Variants in ABTB2 observed in about 807,000 individuals in gnomAD.
ABTB2 encodes ankyrin repeat and BTB domain containing 2.
In ABTB2, 56 loss-of-function variants were observed where a neutral mutation model predicts 104.1. The observed-to-expected ratio is 0.54, with a 90% CI of 0.43 to 0.67. The LOEUF (loss-of-function observed/expected upper bound fraction) is 0.67. ABTB2 is among the 30% of genes least tolerant of loss of function. The pLI is 0.00. For synonymous variants in ABTB2, 606 were observed against 608.2 expected (o/e 1.00, Z 0.05); for missense variants, 1,279 against 1,407.7 (o/e 0.91, Z 1.46).
intron 1 of ABTB2, among the ~76,000 whole-genome samples, chr11:34,306,236 A>ATTTTTTTTT (rs34872949): frequency 1.3e-4 from 9 of 71,970 alleles, no homozygotes; most frequent in South Asian, 6.5e-4. Flanking sequence ...GGAAAGTTTG[A>ATTTTTTTTT]TTTTTTTTTT....
At chr11:34,202,400 G>T (rs928609309) in intron 2 of ABTB2, among the ~76,000 whole-genome samples, 6 of 152,174 alleles carry the variant, frequency 3.9e-5, no homozygotes, top group African/African-American at 1.4e-4. Flanking sequence ...CAGAGAAGAG[G>T]ATGAAGTGAT....
intron 1 of ABTB2, among the ~76,000 whole-genome samples, chr11:34,242,193 T>C (rs1216396939): frequency 1.3e-5 from 2 of 152,198 alleles, no homozygotes; most frequent in African/African-American, 4.8e-5. Flanking sequence ...TGATGAGGCC[T>C]TCTGCCGCAG....
At chr11:34,156,367 G>C (rs1383995368) in intron 14 of ABTB2, among the ~76,000 whole-genome samples, 2 of 152,142 alleles carry the variant, frequency 1.3e-5, no homozygotes, top group African/African-American at 4.8e-5. Context: ...GCAGCCTGTG[G>C]GGCTAGAGGC....
At chr11:34,179,793 G>A (rs1226685628) in intron 3 of ABTB2, among the ~76,000 whole-genome samples, 1 of 152,184 alleles carries the variant, frequency 6.6e-6, no homozygotes, top group African/African-American at 2.4e-5. Context: ...TGGTGACCAA[G>A]AGCACGGACT....
At chr11:34,269,561 G>C (rs988374907) in intron 1 of ABTB2, among the ~76,000 whole-genome samples, 3 of 152,142 alleles carry the variant, frequency 2.0e-5, no homozygotes, top group Non-Finnish European at 4.4e-5. Flanking sequence ...TCCCCACCTC[G>C]TCTGTTGTAG....
At chr11:34,221,262 C>T (rs575579781) in intron 1 of ABTB2, among the ~76,000 whole-genome samples, 4 of 152,194 alleles carry the variant, frequency 2.6e-5, no homozygotes, top group Admixed American at 6.5e-5. Flanking sequence ...TGAGCCACCA[C>T]GCCTGGCCCA....
At chr11:34,166,878 C>T (rs1375298429) in intron 7 of ABTB2, among the ~76,000 whole-genome samples, 1 of 152,120 alleles carries the variant, frequency 6.6e-6, no homozygotes, top group Admixed American at 6.5e-5. Context: ...TAGAGTTGGC[C>T]CTGTAGTAGA....
chr11:34,346,462 G>A (rs1167823301), intron 1 of ABTB2, among the ~76,000 whole-genome samples: 1 of 152,138 alleles, frequency 6.6e-6, no homozygotes, highest in East Asian at 1.9e-4. Context: ...TCTTTCTGGG[G>A]AAAGGGGCAC....
At chr11:34,339,513 C>T (rs915143282) in intron 1 of ABTB2, among the ~76,000 whole-genome samples, 3 of 152,292 alleles carry the variant, frequency 2.0e-5, no homozygotes, top group South Asian at 2.1e-4. Flanking sequence ...TCACAAAAGA[C>T]GATGGTGTGG....
At chr11:34,309,504 G>A (rs1001201921) in intron 1 of ABTB2, among the ~76,000 whole-genome samples, 4 of 152,198 alleles carry the variant, frequency 2.6e-5, no homozygotes, top group Non-Finnish European at 5.9e-5. Context: ...GGGAGCAGAG[G>A]AGAAACGAAA....
intron 1 of ABTB2, among the ~76,000 whole-genome samples, chr11:34,347,187 G>C (rs565999417): frequency 1.1e-3 from 165 of 152,312 alleles, no homozygotes; most frequent in African/African-American, 3.8e-3. Context: ...TGTAATCCCA[G>C]CACTTTGGGA....
At chr11:34,297,781 A>AAT (rs765375324) in intron 1 of ABTB2, among the ~76,000 whole-genome samples, 3,375 of 73,182 alleles carry the variant, frequency 0.046, 182 homozygotes, top group Non-Finnish European at 0.05. Context: ...AAAAAAAAAA[A>AAT]AAATAAAAAT....
chr11:34,227,245 G>A (rs1853699204), intron 1 of ABTB2, among the ~76,000 whole-genome samples: 1 of 149,246 alleles, frequency 6.7e-6, no homozygotes, highest in Non-Finnish European at 1.5e-5. Flanking sequence ...CTGCACTCCA[G>A]TGTGGGTGAC....
intron 1 of ABTB2, among the ~76,000 whole-genome samples, chr11:34,347,664 A>C (rs185544520): frequency 6.6e-6 from 1 of 152,208 alleles, no homozygotes. Flanking sequence ...AGCAGAATTC[A>C]GCTGCACCTT....
At position 34,298,858 on chromosome 11, in the gene ABTB2, A is replaced by G. The variant is rs1854661289; in HGVS notation, c.883+57843T>C. Among the ~76,000 whole-genome samples the G allele has an allele frequency of 2.6e-5, 4 of 152,230 alleles. No individual in the cohort carries two copies. In the South Asian group the frequency reaches 8.3e-4, roughly 32 times the overall value. ...AAAGCAAAAGAGTTCAGTGTTTCCT[A>G]TGAACAACTGGGCCTGCATAGATGT... On this transcript the variant is annotated intron_variant, in intron 1 of 16. Coordinates refer to ENST00000435224, the MANE Select transcript of ABTB2 (RefSeq NM_145804.3).
intron 3 of ABTB2, among the ~76,000 whole-genome samples, chr11:34,179,052 G>A (rs1852991299): frequency 7.4e-6 from 1 of 135,972 alleles, no homozygotes; most frequent in South Asian, 2.3e-4. Flanking sequence ...CTGCACTCCA[G>A]CCTGGGTGAC....
At chr11:34,185,130 A>G (rs1045033580) in intron 3 of ABTB2, among the ~76,000 whole-genome samples, 12 of 152,142 alleles carry the variant, frequency 7.9e-5, no homozygotes, top group African/African-American at 2.2e-4. Flanking sequence ...ACCTTCCCCA[A>G]CTCTCATAGT....
At position 34,183,223 on chromosome 11, in the gene ABTB2, C is replaced by G. The variant is rs144444875; in HGVS notation, c.1245-9916G>C. On this transcript the variant is annotated intron_variant, in intron 3 of 16. Coordinates refer to ENST00000435224, the MANE Select transcript of ABTB2 (RefSeq NM_145804.3). ...TCATGTGATTCTCCTGCCTCATCCT[C>G]CCAAGTAGCTGGGACTACAGGTGTG... 5.7e-3 allele frequency among the ~76,000 whole-genome samples: 875 copies of G among 152,268 alleles called. 3 individuals are homozygous for G. The highest frequency in any genetic ancestry group is 0.01 in the Non-Finnish European group (705 of 68,002).
In ABTB2 at chr11:34,162,607, G is replaced by A. The variant is rs147102733; in HGVS notation, c.2187C>T (p.Tyr729=). The part of the protein sequence containing the change: ...EAMYYSAEHG[Y]VDITMELRAL... ...CCCTCAGCTCCATGGTGATGTCCAC[G>A]TAGCCGTGCTCAGCGCTGTAGTACA... The change falls in exon 10 of 17, where the codon TAC becomes TAT. Residue 729 remains tyrosine (Y), a synonymous_variant. Coordinates refer to ENST00000435224, the MANE Select transcript of ABTB2 (RefSeq NM_145804.3). 26 of 1,613,686 alleles carry A rather than the reference G, an allele frequency of 1.6e-5. 1 individual carries two copies. The highest frequency in any genetic ancestry group is 1.0e-4 in the Admixed American group (6 of 60,020).
Sources: gnomAD v4.1 joint callset for allele counts (sites outside exome capture counted in the v4.1 genomes callset) on GRCh38, gnomAD v4.1.1 for gene constraint, MANE v1.5 for transcripts, NCBI Gene and HGNC (gene_info 2026-07-23, HGNC 2026-07-21) for gene names.